The following MYT1 variants were observed in gnomAD, a reference collection of about 807,000 sequenced individuals.
The protein encoded by MYT1 is myelin transcription factor 1, also known as myelin transcription factor I.
In MYT1, 23 loss-of-function variants were observed where a neutral mutation model predicts 123.0. The ratio of observed to expected loss-of-function variants is 0.19; its 90% CI spans 0.13 to 0.26. The LOEUF is 0.26. MYT1 is among the 10% of genes least tolerant of loss of function. MYT1 has a pLI of 1.00. For synonymous variants in MYT1, 518 were observed against 575.3 expected (o/e 0.90, Z 1.43); for missense variants, 1,125 against 1,472.5 (o/e 0.76, Z 3.86).
At position 64,219,911 on chromosome 20, in the gene MYT1, C is replaced by T. The variant is rs773939333; in HGVS notation, c.2170C>T (p.Arg724Cys). ...MTSPQSSQASRQDEWDRPLDY... is the reference protein window; with the variant it reads ...MTSPQSSQASCQDEWDRPLDY... The stretch of plus-strand genomic sequence containing the variant: ...CTCTCCCCAGTCCAGCCAGGCCTCC[C>T]GCCAGGACGAGTGGGACCGGCCCCT... The change falls in exon 13 of 23, where the codon CGC (arginine) becomes TGC (cysteine). Residue 724 changes from arginine to cysteine, a missense_variant. Transcript: ENST00000328439. 2.7e-5 allele frequency: 43 copies of T among 1,565,488 alleles called. No homozygotes were observed. Among genetic ancestry groups the T allele is most frequent in the East Asian group, 4.8e-5 (2 of 41,838 alleles).
At chr20:64,201,915 C>CGCGTGTCGGGAACCTCT (rs1983317872) in intron 4 of MYT1, among the ~76,000 whole-genome samples, 1 of 132,854 alleles carries the variant, frequency 7.5e-6, no homozygotes, top group Non-Finnish European at 1.7e-5. Flanking sequence ...CGGGAACCCC[C>CGCGTGTCGGGAACCTCT]GCGTGTCGGG....
chr20:64,172,801 G>A (rs1982326550), intron 1 of MYT1, among the ~76,000 whole-genome samples: 2 of 145,310 alleles, frequency 1.4e-5, no homozygotes, highest in Non-Finnish European at 3.0e-5. Context: ...AGGCTGGAGT[G>A]CAGTGGCGTG....
chr20:64,187,448 C>T (rs898999169), intron 1 of MYT1, among the ~76,000 whole-genome samples: 6 of 151,034 alleles, frequency 4.0e-5, no homozygotes, highest in Admixed American at 6.6e-5. Context: ...CACGTGGCCC[C>T]GGCATCCACG....
At chr20:64,173,617 C>G (rs528018171) in intron 1 of MYT1, among the ~76,000 whole-genome samples, 1 of 152,080 alleles carries the variant, frequency 6.6e-6, no homozygotes, top group African/African-American at 2.4e-5. Context: ...ATTTCCCCTC[C>G]CTGACTTCTC....
chr20:64,210,623 G>A (rs769949042), intron 7 of MYT1, among the ~76,000 whole-genome samples: 3 of 152,240 alleles, frequency 2.0e-5, no homozygotes, highest in Non-Finnish European at 4.4e-5. Flanking sequence ...GTCCAAAGGT[G>A]TTTCACTGAG....
chr20:64,238,862 C>A (rs1984631132), intron 21 of MYT1, among the ~76,000 whole-genome samples: 1 of 152,250 alleles, frequency 6.6e-6, no homozygotes, highest in Non-Finnish European at 1.5e-5. Context: ...AAACCCCTGT[C>A]CATCTGAGGG....
rs1355594164 is a variant in MYT1 at position 64,193,220 on chromosome 20, G to T, written c.-1+3060G>T. ...GTGATGGCTGCCAGTGGGGATCAGG[G>T]GTGAGGGCATATGGTTTAGCCTCAG... is the stretch of plus-strand genomic sequence containing the variant. On this transcript the variant is annotated intron_variant, in intron 2 of 22. Coordinates refer to ENST00000328439, the MANE Select transcript of MYT1 (RefSeq NM_004535.3). The surrounding 1 kb of genome is among the most constrained non-coding windows in gnomAD (Gnocchi z 4.0). Among the ~76,000 whole-genome samples, 2 of 152,170 alleles carry T rather than the reference G, an allele frequency of 1.3e-5. No homozygotes were observed. The highest frequency in any genetic ancestry group is 6.5e-5 in the Admixed American group (1 of 15,276).
chr20:64,237,537 A>T, intron 21 of MYT1, 147 bp downstream of exon 21: 1 of 643,190 alleles, frequency 1.6e-6, no homozygotes, highest in Non-Finnish European at 2.7e-6. Context: ...ACACAGGCAC[A>T]CTTAGGACGT....
At chr20:64,195,907 C>G (rs889969611) in intron 2 of MYT1, among the ~76,000 whole-genome samples, 1 of 152,102 alleles carries the variant, frequency 6.6e-6, no homozygotes, top group Non-Finnish European at 1.5e-5. Context: ...ATTCTCCTCC[C>G]CACAGTTTTC....
At chr20:64,204,098 C>G (rs1378051182) in intron 4 of MYT1, among the ~76,000 whole-genome samples, 2 of 152,212 alleles carry the variant, frequency 1.3e-5, no homozygotes, top group Non-Finnish European at 2.9e-5. Flanking sequence ...GTGGATGCAT[C>G]CGACAGCCCA....
rs1284507156 is a variant in MYT1, at chr20:64,201,938, T to C, written c.86+2016T>C. 3.5e-4 allele frequency among the ~76,000 whole-genome samples: 48 copies of C among 136,852 alleles called. 1 individual carries two copies. The highest frequency in any genetic ancestry group is 1.2e-3 in the African/African-American group (45 of 36,312). The allele number at this position is 136,852 out of a possible 152,430, so 89.8% of individuals were successfully genotyped here. A position where few individuals can be genotyped will look rare whatever the true frequency, so the allele number is the denominator to read the frequency against. ...CCCGCGTGTCGGGAACCCCCGCGTGTCGGGAACCTCTGCGTGTCGGGAACC... is the reference window on the plus strand; with the variant it reads ...CCCGCGTGTCGGGAACCCCCGCGTGCCGGGAACCTCTGCGTGTCGGGAACC... On this transcript the variant is annotated intron_variant, in intron 4 of 22. Transcript: ENST00000328439.
chr20:64,212,188 TGGGGGCCA>T lies in MYT1; in HGVS notation c.1517+54_1517+61del. 1 of 245,680 alleles carries T rather than the reference TGGGGGCCA, an allele frequency of 4.1e-6. No homozygotes were observed. The highest frequency in any genetic ancestry group is 6.6e-6 in the Non-Finnish European group (1 of 151,578). 15.2% of individuals were successfully genotyped at this position (245,680 alleles called of 1,614,324 possible). ...GTGGGGGCCAGGGTGGGGGCCGTGG[TGGGGGCCA>T]GGGTGGGGGCCGTGGTGGGGGCCAG... is the stretch of plus-strand genomic sequence containing the variant. On this transcript the variant is annotated intron_variant, in intron 9 of 22. Transcript: ENST00000328439. The surrounding 1 kb of genome is among the most constrained non-coding windows in gnomAD (Gnocchi z 6.8).
chr20:64,207,296 G>T (rs376231024), intron 6 of MYT1, among the ~76,000 whole-genome samples: 1 of 152,204 alleles, frequency 6.6e-6, no homozygotes, highest in Non-Finnish European at 1.5e-5. Context: ...GAAAGTAAAC[G>T]TGATGGGAGA....
In MYT1 at chr20:64,201,949, T is replaced by TC. The variant is rs573669777; in HGVS notation, c.86+2027_86+2028insC. Among the ~76,000 whole-genome samples, 186 of 30,628 alleles carry TC rather than the reference T, an allele frequency of 6.1e-3. 4 individuals carry two copies. The highest frequency in any genetic ancestry group is 0.033 in the Middle Eastern group (2 of 60). 20.1% of individuals were successfully genotyped at this position (30,628 alleles called of 152,430 possible). A position where few individuals can be genotyped will look rare whatever the true frequency, so the allele number is the denominator to read the frequency against. On this transcript the variant is annotated intron_variant, in intron 4 of 22. Transcript: ENST00000328439. ...GGAACCCCCGCGTGTCGGGAACCTCTGCGTGTCGGGAACCCCCGCGTGTCG... is the reference window on the plus strand; with the variant it reads ...GGAACCCCCGCGTGTCGGGAACCTCTCGCGTGTCGGGAACCCCCGCGTGTCG...
chr20:64,219,939 A>G lies in MYT1; in HGVS notation c.2198A>G (p.Asp733Gly). ...SRQDEWDRPL[D>G]YTKPSRLREE... ...CAGGACGAGTGGGACCGGCCCCTGG[A>G]CTACACCAAGCCTAGCCGCCTGAGA... Residue 733 changes from aspartate to glycine, a missense_variant, in exon 13 of 23, where the codon GAC becomes GGC. Physicochemically the swap from Asp to Gly is moderately conservative, Grantham distance 94. Coordinates refer to ENST00000328439, the MANE Select transcript of MYT1 (RefSeq NM_004535.3). 1.3e-6 allele frequency: 2 copies of G among 1,546,912 alleles called. No individual in the cohort carries two copies. Among genetic ancestry groups the G allele is most frequent in the Non-Finnish European group, 1.7e-6 (2 of 1,144,170 alleles).
intron 10 of MYT1, among the ~76,000 whole-genome samples, chr20:64,216,046 C>G (rs1983830296): frequency 6.6e-6 from 1 of 152,228 alleles, no homozygotes. Flanking sequence ...TTCTTCCAGG[C>G]CCATCAGAGC....
intron 16 of MYT1, among the ~76,000 whole-genome samples, chr20:64,224,548 A>T (rs922229045): frequency 6.6e-6 from 1 of 152,178 alleles, no homozygotes; most frequent in Non-Finnish European, 1.5e-5. Flanking sequence ...CCTTCCTGGA[A>T]GTTAATAGCT....
At chr20:64,221,824 G>A (rs1415258424) in intron 13 of MYT1, 69 bp from the exon 14 acceptor site, 11 of 1,546,210 alleles carry the variant, frequency 7.1e-6, no homozygotes, top group East Asian at 4.6e-5. Flanking sequence ...CCTCTCCCTC[G>A]CCCACTGGGT....
rs570123942 is a variant in MYT1 at position 64,182,343 on chromosome 20, C to A, written c.-98-7720C>A. Among the ~76,000 whole-genome samples the A allele has an allele frequency of 7.9e-5, 12 of 152,322 alleles. No individual in the cohort carries two copies. In the East Asian group the frequency reaches 2.3e-3, roughly 29 times the overall value. The stretch of plus-strand genomic sequence containing the variant: ...GCGTGGCAGGCCCAGCCAATACGCA[C>A]GCACAGGCAGAATGGGGGGCTGTTG... On this transcript the variant is annotated intron_variant, in intron 1 of 22. Transcript: ENST00000328439.
Sources: allele counts gnomAD v4.1 joint callset (sites outside exome capture counted in the v4.1 genomes callset), GRCh38; gene constraint gnomAD v4.1.1; non-coding constraint Gnocchi (gnomAD v3.1); transcripts MANE v1.5; gene names NCBI Gene and HGNC (gene_info 2026-07-23, HGNC 2026-07-21).